Variants in VPS45 observed in about 807,000 individuals in gnomAD.
VPS45 encodes the protein vacuolar protein sorting-associated protein 45.
In VPS45, 35 loss-of-function variants were observed where a neutral mutation model predicts 75.9. That is an observed-to-expected ratio of 0.46 (90% CI 0.35 to 0.61). VPS45 has a LOEUF of 0.61. VPS45 is among the 20% of genes least tolerant of loss of function. The pLI is 0.00. For missense variants in VPS45, 559 were observed against 685.9 expected, an observed-to-expected ratio of 0.81 and a Z score of 2.07; for synonymous variants, 220 against 238.2, an observed-to-expected ratio of 0.92 and a Z score of 0.70.
intron 14 of VPS45, 115 bp from the exon 15 acceptor site, chr1:150,144,594 C>T (rs1430697572): frequency 6.9e-6 from 6 of 865,416 alleles, no homozygotes; most frequent in Non-Finnish European, 1.1e-5. Flanking sequence ...CAGACCAGTA[C>T]CTCCTGCCTA....
chr1:150,143,080 C>G, intron 14 of VPS45: 1 of 228,490 alleles, frequency 4.4e-6, no homozygotes, highest in Non-Finnish European at 9.0e-6. Context: ...AGTAAGACTT[C>G]CCCCTACCTC....
At chr1:150,082,977 G>A in intron 10 of VPS45, 94 bp downstream of exon 10, 9 of 1,284,860 alleles carry the variant, frequency 7.0e-6, no homozygotes, top group East Asian at 2.6e-5. Flanking sequence ...TCATCAACAT[G>A]GAATTTAGTC....
At chr1:150,128,788 G>A (rs1023947877) in intron 14 of VPS45, among the ~76,000 whole-genome samples, 4 of 151,064 alleles carry the variant, frequency 2.6e-5, no homozygotes, top group Non-Finnish European at 5.9e-5. Flanking sequence ...CGCCCAGGCT[G>A]GAGTGCAGTG....
chr1:150,080,057 A>T (rs1224261021), intron 7 of VPS45, among the ~76,000 whole-genome samples: 2 of 152,212 alleles, frequency 1.3e-5, no homozygotes, highest in Admixed American at 6.5e-5. Flanking sequence ...TGGTCCAATT[A>T]TGAGAAAAAT....
rs982247254 is a variant in VPS45 at position 150,095,529 on chromosome 1, G to A, written c.1493+1881G>A. Among the ~76,000 whole-genome samples, 10 of 151,842 alleles carry A rather than the reference G, an allele frequency of 6.6e-5. No individual in the cohort carries two copies. In the East Asian group the frequency reaches 7.8e-4, roughly 12 times the overall value. ...CTCAGGAGGCTGAGGTAGAAGAATC[G>A]CTTGAACCTGGGAGGCGGAGGTTGC... On this transcript the variant is annotated intron_variant, in intron 13 of 14. Transcript: ENST00000644510.
At chr1:150,125,324 TA>T (rs1553810482) in intron 14 of VPS45, among the ~76,000 whole-genome samples, 2 of 149,446 alleles carry the variant, frequency 1.3e-5, no homozygotes, top group Non-Finnish European at 3.0e-5. Flanking sequence ...ATGTATTTTT[TA>T]TTTTTTTTAC....
At chr1:150,079,487 G>A (rs1290241435) in intron 7 of VPS45, among the ~76,000 whole-genome samples, 3 of 152,050 alleles carry the variant, frequency 2.0e-5, no homozygotes, top group Non-Finnish European at 2.9e-5. Flanking sequence ...TGCAACCTCC[G>A]CCTCCCAGGT....
chr1:150,107,115 C>CA, intron 13 of VPS45, among the ~76,000 whole-genome samples: 1 of 152,060 alleles, frequency 6.6e-6, no homozygotes, highest in East Asian at 1.9e-4. Flanking sequence ...AGGGACTCAG[C>CA]AAAAAATCTG....
intron 14 of VPS45, among the ~76,000 whole-genome samples, chr1:150,116,032 T>G (rs1421657147): frequency 6.6e-6 from 1 of 152,238 alleles, no homozygotes; most frequent in African/African-American, 2.4e-5. Flanking sequence ...AAAGAATGTT[T>G]GTCATTTTTT....
At chr1:150,101,621 C>T (rs749144990) in intron 13 of VPS45, among the ~76,000 whole-genome samples, 31 of 151,660 alleles carry the variant, frequency 2.0e-4, no homozygotes, top group Admixed American at 3.9e-4. Flanking sequence ...GTAATCTCAG[C>T]TACTCGGGAG....
chr1:150,080,450 T>C (rs1290683769), intron 7 of VPS45, among the ~76,000 whole-genome samples: 1 of 152,226 alleles, frequency 6.6e-6, no homozygotes, highest in Non-Finnish European at 1.5e-5. Context: ...AGCCTTGTTG[T>C]ACTTATTTTA....
In VPS45 at chr1:150,137,784, G is replaced by A. The variant is rs1307374648; in HGVS notation, c.1626-6925G>A. ...TAAAAAATTAGCCAGGCATGGCGGC[G>A]TATTTCTGTAGTCCCAGCTACTCAG... On this transcript the variant is annotated intron_variant, in intron 14 of 14. Coordinates refer to ENST00000644510, the MANE Select transcript of VPS45 (RefSeq NM_007259.5). Among the ~76,000 whole-genome samples, 7 of 152,130 alleles carry A rather than the reference G, an allele frequency of 4.6e-5. No homozygotes were observed. In the South Asian group the frequency reaches 8.3e-4, roughly 18 times the overall value.
At chr1:150,070,300 G>T (rs1654981423) in intron 2 of VPS45, among the ~76,000 whole-genome samples, 1 of 152,050 alleles carries the variant, frequency 6.6e-6, no homozygotes, top group Non-Finnish European at 1.5e-5. Context: ...TCACACAGTG[G>T]ACACTCAATA....
intron 13 of VPS45, among the ~76,000 whole-genome samples, chr1:150,106,474 C>T (rs587662507): frequency 1.3e-5 from 2 of 152,264 alleles, no homozygotes; most frequent in Non-Finnish European, 2.9e-5. Context: ...AAAAAATGCT[C>T]AACATTACTG....
intron 13 of VPS45, among the ~76,000 whole-genome samples, chr1:150,107,344 A>G (rs1657386999): frequency 6.6e-6 from 1 of 152,176 alleles, no homozygotes; most frequent in African/African-American, 2.4e-5. Context: ...CACTACACCT[A>G]GTTACCAAAA....
chr1:150,083,352 C>T (rs1655825343), intron 10 of VPS45: 1 of 152,830 alleles, frequency 6.5e-6, no homozygotes, highest in East Asian at 1.9e-4. Flanking sequence ...TTCATCGCAC[C>T]AACATATTAA....
In VPS45 at chr1:150,130,279, A is replaced by G. The variant is rs985358723; in HGVS notation, c.1626-14430A>G. 3.7e-5 allele frequency among the ~76,000 whole-genome samples: 5 copies of G among 135,618 alleles called. No individual in the cohort carries two copies. The South Asian group carries it at 1.1e-3, about 30-fold the overall frequency. The allele number at this position is 135,618 out of a possible 152,430, so 89.0% of individuals were successfully genotyped here. A position where few individuals can be genotyped will look rare whatever the true frequency, so the allele number is the denominator to read the frequency against. The stretch of plus-strand genomic sequence containing the variant: ...TGCAGTGATGTGATCTTGGTTCACT[A>G]CAACCTCCTCCTCCCGGGCTTAAGC... On this transcript the variant is annotated intron_variant, in intron 14 of 14. Coordinates refer to ENST00000644510, the MANE Select transcript of VPS45 (RefSeq NM_007259.5).
intron 13 of VPS45, among the ~76,000 whole-genome samples, chr1:150,094,693 C>G (rs1427368292): frequency 6.6e-6 from 1 of 152,136 alleles, no homozygotes; most frequent in African/African-American, 2.4e-5. Flanking sequence ...TGAACGCCAG[C>G]CCAAAGTTAT....
At chr1:150,101,788 G>A (rs990530229) in intron 13 of VPS45, among the ~76,000 whole-genome samples, 2 of 151,804 alleles carry the variant, frequency 1.3e-5, no homozygotes, top group Admixed American at 1.3e-4. Context: ...AGAGAAAAGG[G>A]AACACTTGTA....
Sources: allele counts gnomAD v4.1 joint callset (sites outside exome capture counted in the v4.1 genomes callset), GRCh38; gene constraint gnomAD v4.1.1; transcripts MANE v1.5; gene names NCBI Gene and HGNC (gene_info 2026-07-23, HGNC 2026-07-21).